DNAH17: variants seen among roughly 807,000 people sequenced by gnomAD.
DNAH17 encodes axonemal beta dynein heavy chain 17.
DNAH17 carries 376 observed loss-of-function variants against 485.6 expected under a neutral mutation model. The observed-to-expected ratio is 0.77, with a 90% CI of 0.71 to 0.84. The LOEUF is 0.84. DNAH17 is among the 40% of genes least tolerant of loss of function. DNAH17 has a pLI of 0.00. For synonymous variants in DNAH17, 3,031 were observed against 2,405.9 expected (o/e 1.26, Z -7.60); for missense variants, 6,370 against 5,839.3 (o/e 1.09, Z -2.96).
intron 56 of DNAH17, among the ~76,000 whole-genome samples, chr17:78,464,777 T>C (rs977840984): frequency 3.3e-5 from 5 of 152,334 alleles, no homozygotes; most frequent in African/African-American, 1.2e-4. Context: ...CCTGGAGCCT[T>C]GGCTGCGCCG....
chr17:78,507,227 T>G, intron 29 of DNAH17, 51 bp downstream of exon 29: 1 of 1,596,638 alleles, frequency 6.3e-7, no homozygotes, highest in Non-Finnish European at 8.6e-7. Flanking sequence ...ACTTAAGACT[T>G]AGGGAATCTG....
rs2089613370 is a variant in DNAH17, at chr17:78,486,452, C to T, written c.6873G>A (p.Leu2291=). Residue 2291 remains leucine, a synonymous_variant, in exon 45 of 81, where the codon CTG becomes CTA. Transcript: ENST00000389840. ...RRKVQSEKAN[L]MILFDKYLPT... ...GCAGGTACTTGTCAAAGAGGATCAT[C>T]AGGTTGGCCTTCTCCGACTGCACCT... 6.2e-7 allele frequency: 1 copy of T among 1,613,376 alleles called. No individual in the cohort carries two copies.
At chr17:78,565,499 C>T (rs2092248834) in intron 11 of DNAH17, among the ~76,000 whole-genome samples, 1 of 152,198 alleles carries the variant, frequency 6.6e-6, no homozygotes, top group Admixed American at 6.5e-5. Flanking sequence ...CCTTGAAATC[C>T]TCCTGAAAGA....
At chr17:78,425,268 C>G (rs886773049) in intron 80 of DNAH17, 78 bp downstream of exon 80, 2 of 1,438,676 alleles carry the variant, frequency 1.4e-6, no homozygotes, top group Non-Finnish European at 1.9e-6. Flanking sequence ...CTGTCTTTGC[C>G]AAGAGCTAGT....
At chr17:78,562,823 C>T (rs2092185974) in intron 11 of DNAH17, among the ~76,000 whole-genome samples, 1 of 152,220 alleles carries the variant, frequency 6.6e-6, no homozygotes, top group African/African-American at 2.4e-5. Context: ...GTGTTTCGCT[C>T]TGAGAAAGCT....
Position 78,537,431 on chromosome 17 carries a change from C to G in DNAH17, c.2727G>C (p.Gly909=). The G allele has an allele frequency of 6.2e-7, 1 of 1,613,444 alleles. No individual in the cohort carries two copies. Among genetic ancestry groups the G allele is most frequent in the Non-Finnish European group, 8.5e-7 (1 of 1,179,862 alleles). Residue 909 remains glycine (G), a synonymous_variant, in exon 19 of 81, where the codon GGG becomes GGC. Coordinates refer to ENST00000389840, the MANE Select transcript of DNAH17 (RefSeq NM_173628.4). The stretch of plus-strand genomic sequence containing the variant: ...CCTCCAGGGTCGGGTTGAAGGTCAG[C>G]CCATCCTCGTCCAGCTCCATGCGGA... ...FEIRMELDED[G]LTFNPTLEVG... is the part of the protein sequence containing the mutation.
At chr17:78,566,861 T>G in intron 10 of DNAH17, 131 bp from the exon 11 acceptor site, 1 of 1,317,686 alleles carries the variant, frequency 7.6e-7, no homozygotes. Flanking sequence ...CGGGGACCGC[T>G]CTACACAGTT....
In DNAH17 at chr17:78,537,374, G is replaced by A. The variant is rs61741432; in HGVS notation, c.2784C>T (p.Ile928=). The change falls in exon 19 of 81, where the codon ATC becomes ATT. Residue 928 remains isoleucine (I), a synonymous_variant. Transcript: ENST00000389840. ...TGTAGATGTCGTTGACCAGGCCCTC[G>A]ATCAGTGCCAGGAAGCCGCGATCTG... is the stretch of plus-strand genomic sequence containing the variant. The part of the protein sequence containing the change: ...VGSDRGFLAL[I]EGLVNDIYNV... The A allele has an allele frequency of 0.017, 27,347 of 1,611,948 alleles. 321 individuals are homozygous for A. The highest frequency in any genetic ancestry group is 0.031 in the African/African-American group (2,321 of 74,966).
Position 78,460,174 on chromosome 17 carries a change from G to A in DNAH17, c.9423C>T (p.Asp3141=). ...PALLAAQEAL[D]TLNKNNLTEL... ...CCTCCCCCTTTACCTTATTCAGAGT[G>A]TCCAGAGCCTCCTGGGCTGCCAGCA... The change falls in exon 59 of 81, where the codon GAC becomes GAT. Residue 3141 remains aspartate, a synonymous_variant. Transcript: ENST00000389840. The A allele has an allele frequency of 1.9e-6, 3 of 1,607,334 alleles. No individual in the cohort carries two copies. In the African/African-American group the frequency reaches 4.0e-5, roughly 21 times the overall value.
chr17:78,572,433 C>G lies in DNAH17; in HGVS notation c.539+268G>C, dbSNP rs73999135. On this transcript the variant is annotated intron_variant, in intron 3 of 80. Transcript: ENST00000389840. ...GCTGGGTGGTGACTGGATCGGCACA[C>G]ATGTGTGACCCAGCGGGGGGTGTGG... Among the ~76,000 whole-genome samples the G allele has an allele frequency of 7.8e-3, 1,186 of 152,236 alleles. 16 individuals are homozygous for G. The highest frequency in any genetic ancestry group is 0.037 in the East Asian group (192 of 5,156).
intron 70 of DNAH17, 141 bp from the exon 71 acceptor site, chr17:78,444,938 G>A: frequency 1.2e-6 from 1 of 848,016 alleles, no homozygotes; most frequent in Non-Finnish European, 1.7e-6. Flanking sequence ...CCGAGAGGCT[G>A]GCCACCAAAG....
intron 27 of DNAH17, 117 bp from the exon 28 acceptor site, chr17:78,507,922 A>C (rs1361623383): frequency 1.0e-6 from 1 of 974,688 alleles, no homozygotes; most frequent in African/African-American, 1.6e-5. Flanking sequence ...AAAAGGCTCA[A>C]ACCAACGTAT....
At chr17:78,552,418 G>A (rs1202466305) in intron 15 of DNAH17, among the ~76,000 whole-genome samples, 1 of 152,134 alleles carries the variant, frequency 6.6e-6, no homozygotes, top group Non-Finnish European at 1.5e-5. Context: ...GTGGAAACTG[G>A]GCCTCCAGCA....
chr17:78,556,932 T>G (rs2092036256), intron 14 of DNAH17, among the ~76,000 whole-genome samples: 1 of 152,212 alleles, frequency 6.6e-6, no homozygotes, highest in Admixed American at 6.5e-5. Flanking sequence ...ACACGTATGA[T>G]ACCATTGCCC....
At chr17:78,462,151 G>A (rs2088161406) in intron 57 of DNAH17, among the ~76,000 whole-genome samples, 1 of 151,930 alleles carries the variant, frequency 6.6e-6, no homozygotes, top group Non-Finnish European at 1.5e-5. Context: ...CAGCTTGGAT[G>A]ACAGAGCGAG....
chr17:78,491,661 G>A, intron 42 of DNAH17, 91 bp from the exon 43 acceptor site: 6 of 1,506,134 alleles, frequency 4.0e-6, no homozygotes, highest in South Asian at 2.6e-5. Context: ...CTCTCTGGGA[G>A]GGAGCCTGTC....
chr17:78,480,571 G>T, intron 49 of DNAH17, 113 bp downstream of exon 49: 1 of 829,774 alleles, frequency 1.2e-6, no homozygotes, highest in Non-Finnish European at 1.8e-6. Flanking sequence ...GAGTTCTCCA[G>T]AAAATGTCGG....
Position 78,539,860 on chromosome 17 carries a change from C to T in DNAH17, c.2553G>A (p.Arg851=), listed in dbSNP as rs1351778615. ...AMVAENAELF[R]ADTLSLPWKD... ...TCCAGGGCAGGCTCAGTGTGTCTGC[C>T]CTGAATAGTTCTGCGTTTTCCTGCA... Residue 851 remains arginine (R), a synonymous_variant, in exon 18 of 81, where the codon AGG becomes AGA. Coordinates refer to ENST00000389840, the MANE Select transcript of DNAH17 (RefSeq NM_173628.4). 8.1e-6 allele frequency: 13 copies of T among 1,596,772 alleles called. No individual in the cohort carries two copies. The highest frequency in any genetic ancestry group is 1.4e-5 in the African/African-American group (1 of 73,912).
At chr17:78,431,319 T>C (rs1192265946) in intron 75 of DNAH17, among the ~76,000 whole-genome samples, 1 of 152,240 alleles carries the variant, frequency 6.6e-6, no homozygotes, top group Non-Finnish European at 1.5e-5. Flanking sequence ...AGGCAGCGTC[T>C]GTGTCTCCCG....
Sources: gnomAD v4.1 joint callset for allele counts (sites outside exome capture counted in the v4.1 genomes callset) on GRCh38, gnomAD v4.1.1 for gene constraint, MANE v1.5 for transcripts, NCBI Gene and HGNC (gene_info 2026-07-23, HGNC 2026-07-21) for gene names.